The following PDE1A variants were observed in gnomAD, a reference collection of about 807,000 sequenced individuals.
PDE1A encodes dual specificity calcium/calmodulin-dependent 3',5'-cyclic nucleotide phosphodiesterase 1A.
A neutral mutation model predicts 61.7 loss-of-function variants in PDE1A; 35 were observed. That is an observed-to-expected ratio of 0.57 (90% confidence interval 0.43 to 0.75). The LOEUF (loss-of-function observed/expected upper bound fraction) is 0.75. Ranked by LOEUF, PDE1A falls within the 30% of genes least tolerant of loss-of-function variation. The pLI is 0.00. For missense variants in PDE1A, 597 were observed against 630.6 expected (o/e 0.95, Z 0.57); for synonymous variants, 232 against 213.2 (o/e 1.09, Z -0.77).
the PDE1A span, among the ~76,000 whole-genome samples, chr2:182,653,376 C>T: frequency 6.6e-6 from 1 of 152,112 alleles, no homozygotes; most frequent in East Asian, 1.9e-4. Context: ...AGGACATTGA[C>T]TAAATCACTC....
chr2:182,295,106 C>T (rs1232984659), intron 1 of PDE1A, among the ~76,000 whole-genome samples: 4 of 103,374 alleles, frequency 3.9e-5, no homozygotes, highest in Non-Finnish European at 5.3e-5. Flanking sequence ...CTCGCTCTGT[C>T]GCCCAGGCCA....
At chr2:182,668,631 A>C in the PDE1A span, among the ~76,000 whole-genome samples, 2 of 152,130 alleles carry the variant, frequency 1.3e-5, no homozygotes, top group South Asian at 4.1e-4. Context: ...GGCTGCAGTC[A>C]GGTGAAATAT....
At chr2:182,350,317 T>G (rs1698796463) in intron 1 of PDE1A, among the ~76,000 whole-genome samples, 1 of 152,206 alleles carries the variant, frequency 6.6e-6, no homozygotes, top group Non-Finnish European at 1.5e-5. Flanking sequence ...ATGGAACTTC[T>G]GTGAACATTC....
At chr2:182,540,895 T>C in the PDE1A span, among the ~76,000 whole-genome samples, 1 of 152,148 alleles carries the variant, frequency 6.6e-6, no homozygotes, top group Admixed American at 6.6e-5. Flanking sequence ...ACTGAAAGGC[T>C]CCATAAAATA....
At chr2:182,153,499 G>A (rs1321082421) in intron 13 of PDE1A, among the ~76,000 whole-genome samples, 1 of 152,180 alleles carries the variant, frequency 6.6e-6, no homozygotes, top group East Asian at 1.9e-4. Context: ...TTAGAGGAAG[G>A]CTCTGACACC....
chr2:182,644,481 A>C, the PDE1A span, among the ~76,000 whole-genome samples: 1 of 152,060 alleles, frequency 6.6e-6, no homozygotes, highest in East Asian at 1.9e-4. Flanking sequence ...ATCCTAGCAA[A>C]AATTCTACAT....
chr2:182,702,554 C>A, the PDE1A span, among the ~76,000 whole-genome samples: 2 of 152,106 alleles, frequency 1.3e-5, no homozygotes, highest in Non-Finnish European at 2.9e-5. Flanking sequence ...ATGTGATGCA[C>A]TTCATAAAAT....
the PDE1A span, among the ~76,000 whole-genome samples, chr2:182,606,854 C>A: frequency 1.3e-5 from 2 of 152,128 alleles, no homozygotes. Context: ...AGAGCAAGTA[C>A]AAAGGTGTCA....
chr2:182,331,212 G>A (rs552754717), intron 1 of PDE1A, among the ~76,000 whole-genome samples: 3 of 152,232 alleles, frequency 2.0e-5, no homozygotes, highest in Non-Finnish European at 2.9e-5. Context: ...GAATCTTGAC[G>A]CTGAGGAAAT....
the PDE1A span, among the ~76,000 whole-genome samples, chr2:182,574,754 C>A: frequency 6.6e-6 from 1 of 152,138 alleles, no homozygotes; most frequent in African/African-American, 2.4e-5. Context: ...TGCATTGGCA[C>A]AACCTCGGCT....
At chr2:182,534,982 AT>A in the PDE1A span, among the ~76,000 whole-genome samples, 1 of 151,862 alleles carries the variant, frequency 6.6e-6, no homozygotes, top group Non-Finnish European at 1.5e-5. Flanking sequence ...ACATCTAGCT[AT>A]TTTTTTCCAA....
chr2:182,696,362 G>A, the PDE1A span, among the ~76,000 whole-genome samples: 1 of 152,296 alleles, frequency 6.6e-6, no homozygotes, highest in Non-Finnish European at 1.5e-5. Context: ...AAGGCATTCC[G>A]TAAAGATAAC....
chr2:182,365,289 G>A (rs1699773985), intron 1 of PDE1A, among the ~76,000 whole-genome samples: 1 of 151,866 alleles, frequency 6.6e-6, no homozygotes, highest in Non-Finnish European at 1.5e-5. Context: ...GGTGAATATA[G>A]GTGATTCCTC....
chr2:182,557,112 T>G, the PDE1A span, among the ~76,000 whole-genome samples: 1 of 151,966 alleles, frequency 6.6e-6, no homozygotes, highest in African/African-American at 2.4e-5. Context: ...CTGGCCAACA[T>G]GGCAAAACCC....
intron 1 of PDE1A, among the ~76,000 whole-genome samples, chr2:182,276,809 G>C (rs1693447561): frequency 6.6e-6 from 1 of 152,018 alleles, no homozygotes; most frequent in South Asian, 2.1e-4. Context: ...CCCTGGGAAA[G>C]GAATGCATTC....
the PDE1A span, among the ~76,000 whole-genome samples, chr2:182,674,746 G>A: frequency 2.0e-5 from 3 of 152,002 alleles, no homozygotes; most frequent in Non-Finnish European, 4.4e-5. Context: ...CTGTTTATAA[G>A]AAGTTCAAGA....
intron 2 of PDE1A, among the ~76,000 whole-genome samples, chr2:182,514,972 C>T (rs1161861944): frequency 6.6e-6 from 1 of 152,184 alleles, no homozygotes; most frequent in Non-Finnish European, 1.5e-5. Context: ...AAACCATGTT[C>T]TTCCATGCAA....
chr2:182,621,365 T>C, the PDE1A span, among the ~76,000 whole-genome samples: 2 of 152,192 alleles, frequency 1.3e-5, no homozygotes, highest in Non-Finnish European at 2.9e-5. Context: ...CTCTATCAAA[T>C]GTTTTTGCTT....
chr2:182,223,785 TA>T, intron 7 of PDE1A, 78 bp downstream of exon 7: 1 of 787,048 alleles, frequency 1.3e-6, no homozygotes, highest in Admixed American at 3.4e-5. Context: ...TATTATTTTT[TA>T]AAAATCCTCT....
Sources: allele counts gnomAD v4.1 joint callset (sites outside exome capture counted in the v4.1 genomes callset), GRCh38; gene constraint gnomAD v4.1.1; transcripts MANE v1.5; gene names NCBI Gene and HGNC (gene_info 2026-07-23, HGNC 2026-07-21).